XKR6: variants seen among roughly 807,000 people sequenced by gnomAD.
The protein encoded by XKR6 is XK-related protein 6.
A neutral mutation model predicts 56.7 loss-of-function variants in XKR6; 22 were observed. That is an observed-to-expected ratio of 0.39 (90% CI 0.28 to 0.55). The LOEUF is 0.55. XKR6 is among the 20% of genes least tolerant of loss of function. XKR6 has a pLI of 0.66. For synonymous variants in XKR6, 524 were observed against 387.8 expected (o/e 1.35, Z -4.13); for missense variants, 852 against 889.0 (o/e 0.96, Z 0.53).
At chr8:10,938,100 G>C (rs1247418132) in intron 1 of XKR6, among the ~76,000 whole-genome samples, 1 of 152,174 alleles carries the variant, frequency 6.6e-6, no homozygotes, top group Non-Finnish European at 1.5e-5. Context: ...ATATAGTCTC[G>C]TGATGCGCCG....
chr8:11,033,705 C>T lies in XKR6; in HGVS notation c.765-108875G>A, dbSNP rs189909900. ...CCCCAAAGTCGACCTGAAACAGAGT[C>T]GCTCAAAGGGTAGTCTGAGAACCAA... On this transcript the variant is annotated intron_variant, in intron 1 of 2. Coordinates refer to ENST00000416569, the MANE Select transcript of XKR6 (RefSeq NM_173683.4). Among the ~76,000 whole-genome samples the T allele has an allele frequency of 4.7e-4, 71 of 152,196 alleles. 1 individual carries two copies. In the East Asian group the frequency reaches 0.012, roughly 27 times the overall value.
chr8:11,098,599 G>A (rs553936910), intron 1 of XKR6, among the ~76,000 whole-genome samples: 170 of 152,284 alleles, frequency 1.1e-3, no homozygotes, highest in African/African-American at 4.0e-3. Flanking sequence ...ATGTGGTCAT[G>A]CATGTTTGAA....
At chr8:11,063,448 C>T (rs147957353) in intron 1 of XKR6, among the ~76,000 whole-genome samples, 65 of 150,612 alleles carry the variant, frequency 4.3e-4, no homozygotes, top group African/African-American at 1.6e-3. Flanking sequence ...CACTGAGCTA[C>T]GATCTCACCA....
intron 1 of XKR6, among the ~76,000 whole-genome samples, chr8:11,190,183 AAAAG>A (rs772557967): frequency 0.029 from 3,740 of 130,680 alleles, 61 homozygotes; most frequent in Middle Eastern, 0.058. Flanking sequence ...GAAAAGAAAG[AAAAG>A]AAAGAAAGAA....
chr8:11,108,321 C>A (rs972601792), intron 1 of XKR6: 1 of 456,158 alleles, frequency 2.2e-6, no homozygotes, highest in Admixed American at 2.3e-5. Flanking sequence ...TGTTATGAAA[C>A]AACAGAATCC....
chr8:11,006,029 A>C (rs183482967), intron 1 of XKR6, among the ~76,000 whole-genome samples: 1 of 151,924 alleles, frequency 6.6e-6, no homozygotes, highest in South Asian at 2.1e-4. Flanking sequence ...CTTTCAGTAG[A>C]GACGGGGTTT....
At chr8:11,004,117 G>A (rs78625065) in intron 1 of XKR6, among the ~76,000 whole-genome samples, 6,506 of 152,238 alleles carry the variant, frequency 0.043, 444 homozygotes, top group African/African-American at 0.15. Flanking sequence ...GCGAAGTCTG[G>A]GAGTTATGAG....
chr8:11,069,811 G>C (rs752529169), intron 1 of XKR6, among the ~76,000 whole-genome samples: 1 of 152,204 alleles, frequency 6.6e-6, no homozygotes, highest in East Asian at 1.9e-4. Context: ...GTAGCATGCG[G>C]CGTGGCCCAG....
At chr8:11,021,882 T>A (rs1422860402) in intron 1 of XKR6, among the ~76,000 whole-genome samples, 1 of 151,988 alleles carries the variant, frequency 6.6e-6, no homozygotes. Flanking sequence ...CCTTGTTCCA[T>A]ATAAACCTTT....
chr8:11,182,943 C>CT (rs955338568), intron 1 of XKR6, among the ~76,000 whole-genome samples: 2 of 152,226 alleles, frequency 1.3e-5, no homozygotes, highest in African/African-American at 4.8e-5. Flanking sequence ...CTCCACGGCC[C>CT]TTTTGTAAGT....
Position 11,201,435 on chromosome 8 carries a change from A to C in XKR6, c.-96T>G. The C allele has an allele frequency of 3.9e-6, 1 of 254,890 alleles. No homozygotes were observed. Among genetic ancestry groups the C allele is most frequent in the East Asian group, 1.2e-4 (1 of 8,014 alleles). The allele number at this position is 254,890 out of a possible 1,614,324, so 15.8% of individuals were successfully genotyped here. On this transcript the variant is annotated 5_prime_UTR_variant, in exon 1 of 3. Coordinates refer to ENST00000416569, the MANE Select transcript of XKR6 (RefSeq NM_173683.4). ...CGGGGAGGGGGGGAAACGAATGGAG[A>C]GGAAGGGGGGCGGGGAGGAAGCGGG... is the stretch of plus-strand genomic sequence containing the variant.
At chr8:11,069,240 C>CA (rs112907257) in intron 1 of XKR6, among the ~76,000 whole-genome samples, 11,409 of 140,168 alleles carry the variant, frequency 0.081, 469 homozygotes, top group African/African-American at 0.1. Flanking sequence ...AAAGATATGC[C>CA]AAAAAAAAAA....
intron 1 of XKR6, among the ~76,000 whole-genome samples, chr8:10,937,899 C>G (rs1328715991): frequency 1.3e-5 from 2 of 151,960 alleles, no homozygotes; most frequent in Non-Finnish European, 2.9e-5. Flanking sequence ...CAGAGGCAGG[C>G]AGGCCTCCTT....
chr8:11,182,193 G>A (rs1459109723), intron 1 of XKR6, among the ~76,000 whole-genome samples: 1 of 152,198 alleles, frequency 6.6e-6, no homozygotes, highest in African/African-American at 2.4e-5. Flanking sequence ...GCTCCAAAAG[G>A]GAGGACCAGG....
intron 1 of XKR6, among the ~76,000 whole-genome samples, chr8:10,981,306 G>A (rs943203269): frequency 1.3e-5 from 2 of 152,202 alleles, no homozygotes; most frequent in African/African-American, 4.8e-5. Flanking sequence ...ATTAACTCTA[G>A]CAATAGTCCA....
intron 2 of XKR6, among the ~76,000 whole-genome samples, chr8:10,910,386 G>A (rs1800317242): frequency 6.6e-6 from 1 of 152,138 alleles, no homozygotes; most frequent in African/African-American, 2.4e-5. Context: ...CGGGCCTGGA[G>A]GTACAGATGC....
chr8:11,042,650 T>C (rs1799314082), intron 1 of XKR6, among the ~76,000 whole-genome samples: 1 of 152,216 alleles, frequency 6.6e-6, no homozygotes, highest in African/African-American at 2.4e-5. Context: ...TAGTACAACA[T>C]CCCAAATCCA....
In XKR6 at chr8:11,121,372, G is replaced by A. The variant is rs192176625; in HGVS notation, c.764+79204C>T. ...AACAAACAACCCCATCAAAAAGTGA[G>A]CGAAGGATATGAACAGACACTTCTC... On this transcript the variant is annotated intron_variant, in intron 1 of 2. Coordinates refer to ENST00000416569, the MANE Select transcript of XKR6 (RefSeq NM_173683.4). Among the ~76,000 whole-genome samples, 26 of 152,294 alleles carry A rather than the reference G, an allele frequency of 1.7e-4. No individual in the cohort carries two copies. The East Asian group carries it at 4.4e-3, about 26-fold the overall frequency.
chr8:10,940,427 A>AG (rs1361021220), intron 1 of XKR6, among the ~76,000 whole-genome samples: 7 of 152,194 alleles, frequency 4.6e-5, no homozygotes, highest in Non-Finnish European at 1.0e-4. Context: ...CCAAACCAGG[A>AG]GGGCTGCAGC....
Sources: gnomAD v4.1 joint callset for allele counts (sites outside exome capture counted in the v4.1 genomes callset) on GRCh38, gnomAD v4.1.1 for gene constraint, MANE v1.5 for transcripts, NCBI Gene and HGNC (gene_info 2026-07-23, HGNC 2026-07-21) for gene names.